The following MDGA2 variants were observed in gnomAD, a reference collection of about 807,000 sequenced individuals.
MDGA2 encodes MAM domain containing glycosylphosphatidylinositol anchor 2.
MDGA2 carries 40 observed loss-of-function variants against 117.8 expected under a neutral mutation model. That is an observed-to-expected ratio of 0.34 (90% CI 0.26 to 0.44). The LOEUF (loss-of-function observed/expected upper bound fraction) is 0.44. Ranked by LOEUF, MDGA2 falls within the 20% of genes least tolerant of loss-of-function variation. The probability of loss-of-function intolerance (pLI) is 1.00; values close to 1 mark genes in which losing one functional copy is unlikely to be tolerated. For missense variants in MDGA2, 1,123 were observed against 1,250.6 expected (o/e 0.90, Z 1.54); for synonymous variants, 452 against 439.0 (o/e 1.03, Z -0.37).
intron 2 of MDGA2, among the ~76,000 whole-genome samples, chr14:47,257,739 A>G (rs985762567): frequency 6.6e-6 from 1 of 152,134 alleles, no homozygotes; most frequent in African/African-American, 2.4e-5. Context: ...CTTGGCCTGA[A>G]AAGACAGGAA....
chr14:46,892,455 G>A (rs1425630175), intron 10 of MDGA2, among the ~76,000 whole-genome samples: 29 of 151,924 alleles, frequency 1.9e-4, no homozygotes, highest in Admixed American at 1.9e-3. Flanking sequence ...ACAAGAAATT[G>A]TTGGATATTT....
At chr14:46,976,726 G>C (rs1405364347) in intron 8 of MDGA2, among the ~76,000 whole-genome samples, 1 of 151,790 alleles carries the variant, frequency 6.6e-6, no homozygotes, top group Non-Finnish European at 1.5e-5. Context: ...CATTCGTTCA[G>C]ACACTTCTTC....
chr14:47,647,900 C>T lies in MDGA2; in HGVS notation c.280+26617G>A, dbSNP rs566256927. Among the ~76,000 whole-genome samples, 6 of 152,088 alleles carry T rather than the reference C, an allele frequency of 3.9e-5. No individual in the cohort carries two copies. The East Asian group carries it at 5.8e-4, about 15-fold the overall frequency. ...TTGAAAAGACAAACATTTAAGGTGA[C>T]GGCTATCCCAAATACACTGATTTGA... On this transcript the variant is annotated intron_variant, in intron 1 of 16. Coordinates refer to ENST00000399232, the MANE Select transcript of MDGA2 (RefSeq NM_001113498.3).
At chr14:47,404,884 A>G (rs2138471672) in intron 1 of MDGA2, among the ~76,000 whole-genome samples, 1 of 152,288 alleles carries the variant, frequency 6.6e-6, no homozygotes, top group East Asian at 1.9e-4. Context: ...AAGTATTTAA[A>G]GACAATTTCT....
At chr14:46,951,893 G>A (rs1217651247) in intron 9 of MDGA2, among the ~76,000 whole-genome samples, 3 of 151,842 alleles carry the variant, frequency 2.0e-5, no homozygotes, top group Non-Finnish European at 4.4e-5. Flanking sequence ...TCTTTATGCA[G>A]AAATAATAAC....
intron 2 of MDGA2, among the ~76,000 whole-genome samples, chr14:47,242,444 G>C (rs1887075425): frequency 6.6e-6 from 1 of 151,886 alleles, no homozygotes; most frequent in African/African-American, 2.4e-5. Context: ...GGTGTGGAGG[G>C]AGAGGCACGA....
At position 47,372,880 on chromosome 14, in the gene MDGA2, G is replaced by C. The variant is rs148272135; in HGVS notation, c.281-71330C>G. On this transcript the variant is annotated intron_variant, in intron 1 of 16. Coordinates refer to ENST00000399232, the MANE Select transcript of MDGA2 (RefSeq NM_001113498.3). Reference sequence around the variant, plus strand: ...ACTTTTTATTATAATTTTATGGAATGCTGTGTCACTAGGAAGAATGAGTCA... The same window carrying C: ...ACTTTTTATTATAATTTTATGGAATCCTGTGTCACTAGGAAGAATGAGTCA... Among the ~76,000 whole-genome samples, 1,405 of 152,018 alleles carry C rather than the reference G, an allele frequency of 9.2e-3. 19 individuals carry two copies. Among genetic ancestry groups the C allele is most frequent in the Middle Eastern group, 0.027 (8 of 294 alleles).
intron 1 of MDGA2, among the ~76,000 whole-genome samples, chr14:47,620,156 C>T (rs1022639755): frequency 2.6e-5 from 4 of 152,326 alleles, no homozygotes; most frequent in East Asian, 1.9e-4. Flanking sequence ...CGAATTGATG[C>T]TACATTTTAG....
intron 1 of MDGA2, among the ~76,000 whole-genome samples, chr14:47,623,939 C>A (rs1313412377): frequency 6.6e-6 from 1 of 152,246 alleles, no homozygotes; most frequent in African/African-American, 2.4e-5. Context: ...AACCAAAGAA[C>A]AATGGCCGAC....
At chr14:47,626,304 A>G (rs1028450470) in intron 1 of MDGA2, 2 of 152,298 alleles carry the variant, frequency 1.3e-5, no homozygotes, top group South Asian at 2.1e-4. Context: ...CTTAGGCTCT[A>G]CCTGAGATAG....
intron 1 of MDGA2, among the ~76,000 whole-genome samples, chr14:47,554,640 T>C (rs1256889580): frequency 6.6e-6 from 1 of 152,210 alleles, no homozygotes. Context: ...TCCAATTTCC[T>C]AATTTTAATG....
intron 1 of MDGA2, among the ~76,000 whole-genome samples, chr14:47,497,926 T>C (rs903805733): frequency 6.6e-6 from 1 of 152,192 alleles, no homozygotes; most frequent in Non-Finnish European, 1.5e-5. Flanking sequence ...TGTCAGAGGC[T>C]ACTGAAATTT....
intron 14 of MDGA2, among the ~76,000 whole-genome samples, chr14:46,858,467 T>A (rs1467146165): frequency 2.1e-5 from 3 of 144,272 alleles, no homozygotes; most frequent in African/African-American, 5.2e-5. Context: ...TCGCTCTGTC[T>A]CCCAGGCTGA....
At chr14:47,008,884 T>G (rs1023034807) in intron 8 of MDGA2, among the ~76,000 whole-genome samples, 2 of 151,988 alleles carry the variant, frequency 1.3e-5, no homozygotes, top group Non-Finnish European at 2.9e-5. Flanking sequence ...TTCATTCAAA[T>G]GTTTATTTCT....
At chr14:47,504,542 T>C (rs1377302142) in intron 1 of MDGA2, among the ~76,000 whole-genome samples, 1 of 152,114 alleles carries the variant, frequency 6.6e-6, no homozygotes, top group Non-Finnish European at 1.5e-5. Context: ...AAGATCTTAA[T>C]AGACATTTTC....
chr14:47,325,397 T>A (rs139281820), intron 1 of MDGA2, among the ~76,000 whole-genome samples: 1 of 152,298 alleles, frequency 6.6e-6, no homozygotes, highest in Non-Finnish European at 1.5e-5. Flanking sequence ...GACTATTGAT[T>A]GTCAGAAAAT....
In MDGA2 at chr14:47,665,828, G is replaced by GCCCCCA. The variant is rs1183147960; in HGVS notation, c.280+8688_280+8689insTGGGGG. Among the ~76,000 whole-genome samples, 70 of 13,420 alleles carry GCCCCCA rather than the reference G, an allele frequency of 5.2e-3. 1 individual carries two copies. Among genetic ancestry groups the GCCCCCA allele is most frequent in the Non-Finnish European group, 1.0e-2 (61 of 6,102 alleles). 8.8% of individuals were successfully genotyped at this position (13,420 alleles called of 152,430 possible). A position where few individuals can be genotyped will look rare whatever the true frequency, so the allele number is the denominator to read the frequency against. ...CTCGCCCCCCCTCCCCCCCGCCCCC[G>GCCCCCA]CCCCACCCCGCCCCACCCCACCATG... is the stretch of plus-strand genomic sequence containing the variant. On this transcript the variant is annotated intron_variant, in intron 1 of 16. Coordinates refer to ENST00000399232, the MANE Select transcript of MDGA2 (RefSeq NM_001113498.3).
Position 47,518,041 on chromosome 14 carries a change from A to C in MDGA2, c.280+156476T>G, listed in dbSNP as rs60925488. 2.5e-4 allele frequency among the ~76,000 whole-genome samples: 38 copies of C among 152,230 alleles called. No homozygotes were observed. The East Asian group carries it at 4.6e-3, about 19-fold the overall frequency. On this transcript the variant is annotated intron_variant, in intron 1 of 16. Coordinates refer to ENST00000399232, the MANE Select transcript of MDGA2 (RefSeq NM_001113498.3). ...TGGGGGTGGTTATGTAATAGAAATA[A>C]AGAGATTTTTATATTGTAGGTGACT...
At chr14:47,133,215 T>A (rs1882294621) in intron 4 of MDGA2, among the ~76,000 whole-genome samples, 1 of 151,882 alleles carries the variant, frequency 6.6e-6, no homozygotes, top group Admixed American at 6.6e-5. Context: ...CCGATACAAG[T>A]ATACACATAA....
Sources: allele counts gnomAD v4.1 joint callset (sites outside exome capture counted in the v4.1 genomes callset), GRCh38; gene constraint gnomAD v4.1.1; transcripts MANE v1.5; gene names NCBI Gene and HGNC (gene_info 2026-07-23, HGNC 2026-07-21).